Variants in ITGB2 observed in about 807,000 individuals in gnomAD.
The protein encoded by ITGB2 is integrin beta-2.
In ITGB2, 56 loss-of-function variants were observed where a neutral mutation model predicts 86.8. The ratio of observed to expected loss-of-function variants is 0.65; its 90% CI spans 0.52 to 0.81. The LOEUF (loss-of-function observed/expected upper bound fraction) is 0.81. ITGB2 is among the 30% of genes least tolerant of loss of function. The pLI, the probability that ITGB2 is intolerant of heterozygous loss-of-function variation, is 0.00. For synonymous variants in ITGB2, 457 were observed against 450.4 expected (o/e 1.01, Z -0.19); for missense variants, 948 against 1,061.2 (o/e 0.89, Z 1.48).
intron 1 of ITGB2, among the ~76,000 whole-genome samples, chr21:44,918,187 T>A (rs1165485886): frequency 6.6e-6 from 1 of 152,250 alleles, no homozygotes; most frequent in African/African-American, 2.4e-5. Context: ...CCTGTGTCAC[T>A]GACCCCTGTG....
At chr21:44,920,486 G>A (rs1338083314) in intron 1 of ITGB2, among the ~76,000 whole-genome samples, 3 of 152,182 alleles carry the variant, frequency 2.0e-5, no homozygotes, top group South Asian at 2.1e-4. Flanking sequence ...TGCCCAGCCC[G>A]GAGCACCAGG....
In ITGB2 at chr21:44,906,949, C is replaced by T; in HGVS notation, c.294G>A (p.Leu98=). 1.9e-6 allele frequency: 3 copies of T among 1,614,206 alleles called. No homozygotes were observed. The highest frequency in any genetic ancestry group is 2.5e-6 in the Non-Finnish European group (3 of 1,180,032). The stretch of plus-strand genomic sequence containing the variant: ...GGTAAAGCGTCACTTTTTGTGGGGA[C>T]AGCTGCTTCTGGCCCCCATTGTGGT... ...QEDHNGGQKQ[L]SPQKVTLYLR... The change falls in exon 4 of 16, where the codon CTG becomes CTA. Residue 98 remains leucine (L), a synonymous_variant. Transcript: ENST00000652462.
chr21:44,907,287 G>A (rs1476129398), intron 3 of ITGB2, among the ~76,000 whole-genome samples, 192 bp from the exon 4 acceptor site: 1 of 152,152 alleles, frequency 6.6e-6, no homozygotes, highest in Admixed American at 6.5e-5. Flanking sequence ...AAGGCTCCCG[G>A]CCACAGCAGA....
chr21:44,887,004 C>T (rs985967552), intron 14 of ITGB2, 102 bp from the exon 15 acceptor site: 55 of 1,441,198 alleles, frequency 3.8e-5, no homozygotes, highest in South Asian at 8.2e-5. Flanking sequence ...CTTAGAGAGA[C>T]GGAGGTTCCC....
chr21:44,921,550 C>T (rs775454144), upstream of ITGB2, among the ~76,000 whole-genome samples: 7 of 150,040 alleles, frequency 4.7e-5, no homozygotes, highest in South Asian at 4.2e-4. Context: ...CCACAGAACA[C>T]GAAAGGGAAA....
chr21:44,924,641 G>A (rs1207779156), upstream of ITGB2, among the ~76,000 whole-genome samples: 1 of 151,954 alleles, frequency 6.6e-6, no homozygotes, highest in Non-Finnish European at 1.5e-5. Context: ...CAAATTCACG[G>A]ACACAATTGA....
rs940532388 is a variant in ITGB2, at chr21:44,886,309, C to T, written c.*59G>A. On this transcript the variant is annotated 3_prime_UTR_variant, in exon 16 of 16. Transcript: ENST00000652462. The stretch of plus-strand genomic sequence containing the variant: ...TCAAGAGCTGTGGCAAGCCATGTCT[C>T]GGCCGCGTGATGGGGCAGACATGGT... The T allele has an allele frequency of 4.8e-5, 69 of 1,436,828 alleles. 1 individual carries two copies. Among genetic ancestry groups the T allele is most frequent in the Admixed American group, 1.5e-4 (9 of 59,758 alleles). The allele number at this position is 1,436,828 out of a possible 1,614,324, so 89.0% of individuals were successfully genotyped here.
intron 10 of ITGB2, 28 bp downstream of exon 10, chr21:44,893,376 G>T: frequency 6.2e-7 from 1 of 1,612,396 alleles, no homozygotes; most frequent in Non-Finnish European, 8.5e-7. Flanking sequence ...CAGCAAGCTG[G>T]GATGGGGACC....
intron 1 of ITGB2, among the ~76,000 whole-genome samples, chr21:44,919,532 C>T (rs545825888): frequency 2.0e-5 from 3 of 152,306 alleles, no homozygotes; most frequent in Admixed American, 6.5e-5. Context: ...GCTGGGGTGA[C>T]GGCAGACAGC....
At chr21:44,902,908 C>T (rs1302070125) in intron 5 of ITGB2, among the ~76,000 whole-genome samples, 1 of 152,202 alleles carries the variant, frequency 6.6e-6, no homozygotes, top group Non-Finnish European at 1.5e-5. Context: ...AAGACATGCG[C>T]TGTGACTGAC....
intron 1 of ITGB2, among the ~76,000 whole-genome samples, chr21:44,916,454 G>T (rs761266368): frequency 9.2e-5 from 14 of 152,204 alleles, no homozygotes; most frequent in Admixed American, 6.5e-5. Context: ...CGAGGCCCCG[G>T]ACACTCTTGC....
intron 1 of ITGB2, among the ~76,000 whole-genome samples, chr21:44,914,713 A>G (rs2084178793): frequency 1.3e-5 from 2 of 152,206 alleles, no homozygotes; most frequent in Admixed American, 6.5e-5. Context: ...ACTTGAGGCC[A>G]GGAGTTTGAG....
At chr21:44,902,449 GCATA>G (rs1047014486) in intron 5 of ITGB2, among the ~76,000 whole-genome samples, 5 of 151,846 alleles carry the variant, frequency 3.3e-5, no homozygotes, top group African/African-American at 1.2e-4. Context: ...TTGCGTGTGA[GCATA>G]CATTCATGTG....
chr21:44,902,810 G>A (rs1351053140), intron 5 of ITGB2, among the ~76,000 whole-genome samples: 1 of 151,646 alleles, frequency 6.6e-6, no homozygotes, highest in Non-Finnish European at 1.5e-5. Flanking sequence ...GCATTTGCTT[G>A]TGTGTGTGTG....
At chr21:44,907,340 G>C (rs2084059904) in intron 3 of ITGB2, among the ~76,000 whole-genome samples, 1 of 152,208 alleles carries the variant, frequency 6.6e-6, no homozygotes, top group Non-Finnish European at 1.5e-5. Flanking sequence ...GCCTCTAGCG[G>C]CAGAAAGGAC....
chr21:44,886,520 G>A (rs975951457), intron 15 of ITGB2, 90 bp from the exon 16 acceptor site: 36 of 1,474,304 alleles, frequency 2.4e-5, no homozygotes, highest in African/African-American at 8.3e-5. Context: ...CATGGAAGCC[G>A]TCACTTTGAG....
In ITGB2 at chr21:44,906,734, G is replaced by A. The variant is rs74555472; in HGVS notation, c.328+181C>T. 0.017 allele frequency among the ~76,000 whole-genome samples: 2,596 copies of A among 152,274 alleles called. 54 individuals carry two copies. Among genetic ancestry groups the A allele is most frequent in the African/African-American group, 0.053 (2,198 of 41,558 alleles). On this transcript the variant is annotated intron_variant, in intron 4 of 15. Coordinates refer to ENST00000652462, the MANE Select transcript of ITGB2 (RefSeq NM_000211.5). Reference sequence around the variant, plus strand: ...GGGCAGCTCCACCTGGGGACAGAGCGGAAGGGCACTGAGGAGCTCAGCTTT... The same window carrying A: ...GGGCAGCTCCACCTGGGGACAGAGCAGAAGGGCACTGAGGAGCTCAGCTTT...
At chr21:44,917,906 G>A (rs2084235191) in intron 1 of ITGB2, among the ~76,000 whole-genome samples, 1 of 152,200 alleles carries the variant, frequency 6.6e-6, no homozygotes, top group Non-Finnish European at 1.5e-5. Context: ...GGGTGGGCAG[G>A]GGCCTCAGCT....
intron 2 of ITGB2, 72 bp downstream of exon 2, chr21:44,910,653 G>T: frequency 6.4e-7 from 1 of 1,556,160 alleles, no homozygotes; most frequent in East Asian, 2.3e-5. Flanking sequence ...CTATGGGAAA[G>T]TGAGGGCAGG....
Sources: allele counts gnomAD v4.1 joint callset (sites outside exome capture counted in the v4.1 genomes callset), GRCh38; gene constraint gnomAD v4.1.1; transcripts MANE v1.5; gene names NCBI Gene and HGNC (gene_info 2026-07-23, HGNC 2026-07-21).